RUBCN: variants seen among roughly 807,000 people sequenced by gnomAD.
RUBCN encodes the protein rubicon autophagy regulator, also known as run domain Beclin-1-interacting and cysteine-rich domain-containing protein.
A neutral mutation model predicts 113.2 loss-of-function variants in RUBCN; 74 were observed. The observed-to-expected ratio is 0.65, with a 90% CI of 0.54 to 0.79. The LOEUF (loss-of-function observed/expected upper bound fraction) is 0.79. RUBCN is among the 30% of genes least tolerant of loss of function. The probability of loss-of-function intolerance (pLI) is 0.00; values close to 1 mark genes in which losing one functional copy is unlikely to be tolerated. For missense variants in RUBCN, 1,109 were observed against 1,251.7 expected (o/e 0.89, Z 1.72); for synonymous variants, 480 against 490.0 (o/e 0.98, Z 0.27).
chr3:197,687,432 C>T (rs967310415), intron 11 of RUBCN, among the ~76,000 whole-genome samples: 2 of 152,164 alleles, frequency 1.3e-5, no homozygotes, highest in Non-Finnish European at 2.9e-5. Flanking sequence ...CCAAATCTGC[C>T]CTTGTTTTTG....
chr3:197,702,630 T>C (rs1477971425), intron 5 of RUBCN, among the ~76,000 whole-genome samples: 1 of 152,156 alleles, frequency 6.6e-6, no homozygotes, highest in African/African-American at 2.4e-5. Context: ...GCCACTGCAT[T>C]CCAGCCCAGC....
rs779102946 is a variant in RUBCN at position 197,704,625 on chromosome 3, T to G, written c.380A>C (p.Gln127Pro). ...SERAVAELWL[Q>P]HSLQYHCLSA... ...GAGGCAGTGGTACTGCAGGCTGTGC[T>G]GCAGCCACAGCTCGGCAACAGCACG... The change falls in exon 4 of 20, where the codon CAG becomes CCG. Residue 127 changes from glutamine (Q) to proline (P), a missense_variant. By Grantham distance (76) the Gln-to-Pro change is moderately conservative. This residue lies in a region of RUBCN where 736 missense variants were observed against 779.6 expected (regional missense o/e 0.94). Transcript: ENST00000296343. The G allele has an allele frequency of 1.9e-6, 3 of 1,614,094 alleles. No homozygotes were observed. The highest frequency in any genetic ancestry group is 2.5e-6 in the Non-Finnish European group (3 of 1,179,938).
chr3:197,734,287 G>A (rs1727864688), intron 1 of RUBCN, among the ~76,000 whole-genome samples: 1 of 150,390 alleles, frequency 6.6e-6, no homozygotes, highest in Admixed American at 6.6e-5. Context: ...GCAGTCTCTT[G>A]GGCCGGCATG....
intron 10 of RUBCN, 113 bp from the exon 11 acceptor site, chr3:197,693,929 T>C: frequency 1.3e-6 from 1 of 759,100 alleles, no homozygotes; most frequent in Non-Finnish European, 2.3e-6. Context: ...AAATGGAAAC[T>C]TTCCCTTTAG....
chr3:197,691,820 C>T (rs1722452218), intron 11 of RUBCN, among the ~76,000 whole-genome samples: 1 of 152,034 alleles, frequency 6.6e-6, no homozygotes, highest in African/African-American at 2.4e-5. Flanking sequence ...TGAGGTCAGA[C>T]CCTCTTTCTT....
intron 1 of RUBCN, among the ~76,000 whole-genome samples, chr3:197,721,158 G>A (rs780076868): frequency 2.0e-5 from 3 of 152,042 alleles, no homozygotes; most frequent in South Asian, 2.1e-4. Flanking sequence ...TCTCTCCTTC[G>A]ATTTTGTGGA....
intron 3 of RUBCN, 31 bp from the exon 4 acceptor site, chr3:197,704,732 C>G: frequency 6.2e-7 from 1 of 1,611,280 alleles, no homozygotes; most frequent in South Asian, 1.1e-5. Context: ...AGTCAAAACA[C>G]ACATCCTGGT....
intron 2 of RUBCN, among the ~76,000 whole-genome samples, chr3:197,707,627 T>C (rs993170664): frequency 6.6e-6 from 1 of 152,128 alleles, no homozygotes; most frequent in Non-Finnish European, 1.5e-5. Flanking sequence ...AGTAAGGATA[T>C]TGGATTTCTA....
chr3:197,735,159 A>G (rs529755141), intron 1 of RUBCN, among the ~76,000 whole-genome samples: 1 of 152,312 alleles, frequency 6.6e-6, no homozygotes, highest in African/African-American at 2.4e-5. Flanking sequence ...TGGGAGGCCG[A>G]CGTGGCGGGG....
intron 5 of RUBCN, among the ~76,000 whole-genome samples, chr3:197,703,164 C>T (rs1398014189): frequency 4.6e-5 from 7 of 151,816 alleles, no homozygotes; most frequent in African/African-American, 1.2e-4. Context: ...TTTGGGAGGC[C>T]GAGGCGGGAG....
intron 18 of RUBCN, chr3:197,676,439 G>T: frequency 1.5e-6 from 1 of 655,940 alleles, no homozygotes; most frequent in Non-Finnish European, 2.0e-6. Context: ...TCAGCCTCCC[G>T]AGTAGCTGGG....
At chr3:197,698,190 C>A (rs1249184687) in intron 7 of RUBCN, among the ~76,000 whole-genome samples, 3 of 151,806 alleles carry the variant, frequency 2.0e-5, no homozygotes, top group Non-Finnish European at 4.4e-5. Context: ...AATTCCCTTA[C>A]ACTCGTTATC....
Position 197,675,532 on chromosome 3 carries a change from C to CA in RUBCN, c.2647-18dup. The CA allele has an allele frequency of 6.3e-7, 1 of 1,596,556 alleles. No individual in the cohort carries two copies. Among genetic ancestry groups the CA allele is most frequent in the Non-Finnish European group, 8.6e-7 (1 of 1,164,684 alleles). On this transcript the variant is annotated splice_polypyrimidine_tract_variant and intron_variant, in intron 18 of 19. Coordinates refer to ENST00000296343, the MANE Select transcript of RUBCN (RefSeq NM_014687.4). The surrounding 1 kb of genome is among the most constrained non-coding windows in gnomAD (Gnocchi z 4.4). ...TTGGCAGAGCTGGGGAGGAAAAACA[C>CA]AGATGGCAAAATGAGGAGCGGCACA...
At chr3:197,704,914 TG>T (rs987319664) in intron 3 of RUBCN, among the ~76,000 whole-genome samples, 177 bp downstream of exon 3, 4 of 151,764 alleles carry the variant, frequency 2.6e-5, no homozygotes, top group African/African-American at 9.7e-5. Flanking sequence ...TGGGTTTGCA[TG>T]TTTTTTTTTT....
At chr3:197,701,610 C>T (rs1442605832) in intron 6 of RUBCN, 98 bp downstream of exon 6, 1 of 1,117,776 alleles carries the variant, frequency 8.9e-7, no homozygotes, top group Non-Finnish European at 1.3e-6. Flanking sequence ...AACTACCAAC[C>T]CAAGTCTCAA....
At position 197,675,262 on chromosome 3, in the gene RUBCN, TTGC is replaced by T; in HGVS notation, c.2741-69_2741-67del. ...TGTATTATCTCCAGCTAGAGGTCAG[TTGC>T]TGCCACAGCCCCTTCTCGCCACCAA... On this transcript the variant is annotated intron_variant, in intron 19 of 19. Coordinates refer to ENST00000296343, the MANE Select transcript of RUBCN (RefSeq NM_014687.4). The surrounding 1 kb of genome is among the most constrained non-coding windows in gnomAD (Gnocchi z 4.4). 1 of 1,593,640 alleles carries T rather than the reference TTGC, an allele frequency of 6.3e-7. No homozygotes were observed. Among genetic ancestry groups the T allele is most frequent in the Non-Finnish European group, 8.6e-7 (1 of 1,161,900 alleles).
At chr3:197,717,478 A>G (rs2108957852) in intron 2 of RUBCN, among the ~76,000 whole-genome samples, 1 of 152,004 alleles carries the variant, frequency 6.6e-6, no homozygotes, top group South Asian at 2.1e-4. Flanking sequence ...AGAGATTTGA[A>G]GGTGCTATGC....
intron 8 of RUBCN, 29 bp downstream of exon 8, chr3:197,696,925 A>G (rs1723073779): frequency 3.2e-6 from 4 of 1,239,220 alleles, no homozygotes; most frequent in Non-Finnish European, 2.4e-6. Flanking sequence ...AAAATATACA[A>G]TTTTAGCCCT....
rs1719863525 is a variant in RUBCN at position 197,672,259 on chromosome 3, GTTT to G, written c.*2756_*2758del. ...TGTCTCCACCTGGTAAGCAAACTAT[GTTT>G]TTTTTCTTTCCCTTTACTTACAGAA... On this transcript the variant is annotated 3_prime_UTR_variant, in exon 20 of 20. Transcript: ENST00000296343. 1 of 152,064 alleles carries G rather than the reference GTTT, an allele frequency of 6.6e-6. No individual in the cohort carries two copies. The highest frequency in any genetic ancestry group is 2.1e-4 in the South Asian group (1 of 4,820). 9.4% of individuals were successfully genotyped at this position (152,064 alleles called of 1,614,324 possible).
Sources: gnomAD v4.1 joint callset for allele counts (sites outside exome capture counted in the v4.1 genomes callset) on GRCh38, gnomAD v4.1.1 for gene constraint, gnomAD v4.1.1 regional missense constraint, Gnocchi (gnomAD v3.1) non-coding constraint, MANE v1.5 for transcripts, NCBI Gene and HGNC (gene_info 2026-07-23, HGNC 2026-07-21) for gene names.